Variants in SPDYE10 observed in about 807,000 individuals in gnomAD.
SPDYE10 encodes speedy/RINGO cell cycle regulator family member E10.
chr7:73,131,316 G>A, the SPDYE10 span, among the ~76,000 whole-genome samples: 3 of 149,684 alleles, frequency 2.0e-5, no homozygotes, highest in African/African-American at 7.6e-5. Context: ...GAGAACAGGA[G>A]CTGAAACAGC....
the SPDYE10 span, among the ~76,000 whole-genome samples, chr7:73,134,537 A>AAGAAAGAAAAGAAAGAAAGAAAGAAAG: frequency 1.3e-4 from 18 of 139,634 alleles, no homozygotes; most frequent in African/African-American, 5.1e-4. Context: ...GAAAGAAAGA[A>AAGAAAGAAAAGAAAGAAAGAAAGAAAG]AAAGAAAGAA....
At chr7:73,125,239 CAGCT>C in the SPDYE10 span, among the ~76,000 whole-genome samples, 2 of 149,696 alleles carry the variant, frequency 1.3e-5, no homozygotes, top group African/African-American at 5.1e-5. Context: ...ACGGCTCTCT[CAGCT>C]AGGCTGCAGT....
chr7:73,127,608 G>A, the SPDYE10 span, among the ~76,000 whole-genome samples: 77 of 78,412 alleles, frequency 9.8e-4, 1 homozygote, highest in African/African-American at 3.3e-3. Flanking sequence ...AGAGGAAGGG[G>A]AAGGGGAAGG....
the SPDYE10 span, among the ~76,000 whole-genome samples, chr7:73,149,679 C>G: frequency 6.0e-5 from 9 of 149,296 alleles, no homozygotes; most frequent in Admixed American, 5.3e-4. Context: ...CTCAGTTAGA[C>G]AGTCAGATGC....
At chr7:73,145,063 C>T in the SPDYE10 span, among the ~76,000 whole-genome samples, 1 of 125,408 alleles carries the variant, frequency 8.0e-6, no homozygotes, top group Non-Finnish European at 1.6e-5. Context: ...GTCCTATTTT[C>T]CTTCCTTCCT....
the SPDYE10 span, among the ~76,000 whole-genome samples, chr7:73,131,566 C>T: frequency 6.8e-6 from 1 of 147,868 alleles, no homozygotes; most frequent in East Asian, 1.9e-4. Context: ...CAGAATCTCA[C>T]TCTTGTCACC....
At chr7:73,145,776 A>ATCTATGCC in the SPDYE10 span, among the ~76,000 whole-genome samples, 2 of 137,708 alleles carry the variant, frequency 1.5e-5, no homozygotes, top group African/African-American at 5.5e-5. Context: ...AATCATCAAA[A>ATCTATGCC]TCTATGCCGG....
chr7:73,114,799 A>G, the SPDYE10 span, among the ~76,000 whole-genome samples: 2 of 150,640 alleles, frequency 1.3e-5, no homozygotes, highest in African/African-American at 4.9e-5. Context: ...CGGCCTCCCA[A>G]AGTGCTGGGG....
the SPDYE10 span, among the ~76,000 whole-genome samples, chr7:73,113,648 C>T: frequency 6.6e-6 from 1 of 151,826 alleles, no homozygotes; most frequent in East Asian, 1.9e-4. Flanking sequence ...AATCCCAGCG[C>T]TTTGGGAGGC....
chr7:73,113,772 A>G, the SPDYE10 span, among the ~76,000 whole-genome samples: 75 of 152,126 alleles, frequency 4.9e-4, no homozygotes, highest in African/African-American at 1.7e-3. Flanking sequence ...GCCATGGCTC[A>G]TGCCTGTAAT....
the SPDYE10 span, among the ~76,000 whole-genome samples, chr7:73,126,909 G>GTTTTTT: frequency 4.4e-5 from 3 of 68,812 alleles, no homozygotes; most frequent in Non-Finnish European, 5.5e-5. Context: ...GTTGTTGGTG[G>GTTTTTT]TTTTTTTTTT....
chr7:73,135,230 T>C, the SPDYE10 span, among the ~76,000 whole-genome samples: 1 of 151,684 alleles, frequency 6.6e-6, no homozygotes, highest in Non-Finnish European at 1.5e-5. Flanking sequence ...GGCACATGAA[T>C]CCCTACCTCT....
chr7:73,144,146 C>A, the SPDYE10 span, among the ~76,000 whole-genome samples: 1 of 149,110 alleles, frequency 6.7e-6, no homozygotes, highest in Non-Finnish European at 1.5e-5. Context: ...CCGCACCCAG[C>A]TTGATTTCTG....
chr7:73,135,871 C>T, the SPDYE10 span, among the ~76,000 whole-genome samples: 3,566 of 35,156 alleles, frequency 0.1, no homozygotes, highest in Middle Eastern at 0.25. Flanking sequence ...CGCACCCGGT[C>T]TTTTTTTTTT....
chr7:73,114,969 T>C, the SPDYE10 span, among the ~76,000 whole-genome samples: 1 of 151,714 alleles, frequency 6.6e-6, no homozygotes, highest in African/African-American at 2.4e-5. Context: ...TGCACTGGGC[T>C]CACTGCAACC....
chr7:73,134,506 A>AACTT, the SPDYE10 span, among the ~76,000 whole-genome samples: 1 of 85,806 alleles, frequency 1.2e-5, no homozygotes, highest in African/African-American at 5.6e-5. Context: ...TGTACCCTAC[A>AACTT]ACTTAAAGTA....
the SPDYE10 span, among the ~76,000 whole-genome samples, chr7:73,137,948 G>C: frequency 2.1e-5 from 3 of 145,238 alleles, no homozygotes; most frequent in African/African-American, 7.8e-5. Context: ...GGGAAGGGAA[G>C]GGGAAGGGAA....
the SPDYE10 span, among the ~76,000 whole-genome samples, chr7:73,115,303 C>T: frequency 6.6e-6 from 1 of 152,262 alleles, no homozygotes; most frequent in African/African-American, 2.4e-5. Flanking sequence ...ATTTTCCGTC[C>T]CAAGTCCCTT....
At chr7:73,122,970 A>C in the SPDYE10 span, among the ~76,000 whole-genome samples, 1 of 152,220 alleles carries the variant, frequency 6.6e-6, no homozygotes, top group Non-Finnish European at 1.5e-5. Context: ...GAAAGGGGGG[A>C]TCCAGGTCCA....
Sources: gnomAD v4.1 joint callset for allele counts (sites outside exome capture counted in the v4.1 genomes callset) on GRCh38, gnomAD v4.1.1 for gene constraint, MANE v1.5 for transcripts, NCBI Gene and HGNC (gene_info 2026-07-23, HGNC 2026-07-21) for gene names.